REC114: variants seen among roughly 807,000 people sequenced by gnomAD.
REC114 encodes the protein REC114 meiotic recombination protein.
Under a neutral mutation model 31.3 loss-of-function variants are expected in REC114, and 27 were observed. The observed-to-expected ratio is 0.86, with a 90% CI of 0.64 to 1.19. The LOEUF (loss-of-function observed/expected upper bound fraction) is 1.19. REC114 is among the 50% of genes most tolerant of loss of function. The pLI is 0.00. For missense variants in REC114, 344 were observed against 326.9 expected (o/e 1.05, Z -0.40); for synonymous variants, 134 against 127.7 (o/e 1.05, Z -0.33).
chr15:73,461,934 T>C (rs1446502913), intron 1 of REC114, among the ~76,000 whole-genome samples: 27 of 142,236 alleles, frequency 1.9e-4, no homozygotes, highest in African/African-American at 3.8e-4. Flanking sequence ...TTTTTTTTTT[T>C]TTTTTTTTTT....
At chr15:73,485,491 TGGTGGAAGATGATTAGATCATGGG>T (rs1185992316) in intron 2 of REC114, among the ~76,000 whole-genome samples, 2 of 152,118 alleles carry the variant, frequency 1.3e-5, no homozygotes, top group African/African-American at 4.8e-5. Context: ...AGGTGGGGCG[TGGTGGAAGATGATTAGATCATGGG>T]GGTGGTATCT....
chr15:73,488,815 C>A (rs563890182), intron 2 of REC114, among the ~76,000 whole-genome samples: 11 of 152,250 alleles, frequency 7.2e-5, no homozygotes, highest in African/African-American at 2.6e-4. Context: ...GTGTTCATAG[C>A]AATATGGGCC....
chr15:73,538,274 TA>T (rs200639535), intron 2 of REC114, among the ~76,000 whole-genome samples: 60 of 151,956 alleles, frequency 3.9e-4, no homozygotes, highest in African/African-American at 1.2e-3. Context: ...AAAGACAGTA[TA>T]AAAAAAATGC....
intron 2 of REC114, among the ~76,000 whole-genome samples, chr15:73,514,879 A>G (rs921196645): frequency 2.0e-5 from 3 of 150,756 alleles, no homozygotes; most frequent in African/African-American, 7.3e-5. Context: ...AGTGGCTAAG[A>G]CTCCTTTCTC....
chr15:73,501,199 C>T (rs1893599999), intron 2 of REC114, among the ~76,000 whole-genome samples: 1 of 152,134 alleles, frequency 6.6e-6, no homozygotes, highest in Admixed American at 6.6e-5. Context: ...TATTGCAGCA[C>T]ATCTATGAAG....
At chr15:73,526,684 C>T (rs1031330376) in intron 2 of REC114, among the ~76,000 whole-genome samples, 4 of 152,104 alleles carry the variant, frequency 2.6e-5, no homozygotes, top group African/African-American at 4.8e-5. Context: ...CTAATTTTAT[C>T]ATCTCTTAAA....
Position 73,466,635 on chromosome 15 carries a change from T to G in REC114, c.160-7197T>G, listed in dbSNP as rs188681391. The stretch of plus-strand genomic sequence containing the variant: ...GCAACTATTAATAAAATTGTTGATA[T>G]GTTTTATCCCCTCTTAACGTTCTTT... On this transcript the variant is annotated intron_variant, in intron 1 of 5. Transcript: ENST00000331090. Among the ~76,000 whole-genome samples, 1,518 of 152,336 alleles carry G rather than the reference T, an allele frequency of 1.0e-2. 16 individuals are homozygous for G. The highest frequency in any genetic ancestry group is 0.016 in the Non-Finnish European group (1,068 of 68,022).
chr15:73,505,684 A>C (rs958094721), intron 2 of REC114, among the ~76,000 whole-genome samples: 2 of 152,098 alleles, frequency 1.3e-5, no homozygotes, highest in Non-Finnish European at 1.5e-5. Context: ...GGCGCCCGCC[A>C]CCATGCCCGG....
At chr15:73,489,504 C>G (rs1429346740) in intron 2 of REC114, among the ~76,000 whole-genome samples, 3 of 151,974 alleles carry the variant, frequency 2.0e-5, no homozygotes, top group African/African-American at 7.2e-5. Flanking sequence ...CCACGCCTGG[C>G]ACCTGGAGCC....
chr15:73,516,221 G>A (rs1001608660), intron 2 of REC114, among the ~76,000 whole-genome samples: 7 of 151,956 alleles, frequency 4.6e-5, no homozygotes, highest in Non-Finnish European at 5.9e-5. Flanking sequence ...CCTGACCTCA[G>A]GTGATCTGCC....
intron 2 of REC114, among the ~76,000 whole-genome samples, chr15:73,514,836 T>G (rs1414161242): frequency 6.6e-6 from 1 of 152,070 alleles, no homozygotes; most frequent in Non-Finnish European, 1.5e-5. Context: ...GGAAGGTATA[T>G]TTATCTGCTG....
intron 1 of REC114, among the ~76,000 whole-genome samples, chr15:73,458,618 G>T (rs547291571): frequency 6.6e-6 from 1 of 152,344 alleles, no homozygotes; most frequent in African/African-American, 2.4e-5. Flanking sequence ...AGGTACTGAG[G>T]CTCCTTCTTT....
chr15:73,465,058 A>T (rs1468154193), intron 1 of REC114, among the ~76,000 whole-genome samples: 1 of 151,982 alleles, frequency 6.6e-6, no homozygotes, highest in African/African-American at 2.4e-5. Context: ...CGCCCAGCTA[A>T]TTTTTGTATT....
At chr15:73,555,164 C>T (rs1049154622) in intron 4 of REC114, among the ~76,000 whole-genome samples, 1 of 152,320 alleles carries the variant, frequency 6.6e-6, no homozygotes, top group East Asian at 1.9e-4. Context: ...CTCTGTAGGA[C>T]AGAAGACAGA....
rs777849496 is a variant in REC114, at chr15:73,559,948, C to A, written c.*32C>A. On this transcript the variant is annotated 3_prime_UTR_variant, in exon 6 of 6. Coordinates refer to ENST00000331090, the MANE Select transcript of REC114 (RefSeq NM_001042367.2). ...ATATACATATATAACTAAGGAACTT[C>A]AAAGTATTGAAAAATGCTTCCTCCT... The A allele has an allele frequency of 6.6e-7, 1 of 1,520,166 alleles. No individual in the cohort carries two copies. Among genetic ancestry groups the A allele is most frequent in the Non-Finnish European group, 8.8e-7 (1 of 1,142,026 alleles). 94.2% of individuals were successfully genotyped at this position (1,520,166 alleles called of 1,614,324 possible). A position where few individuals can be genotyped will look rare whatever the true frequency, so the allele number is the denominator to read the frequency against.
chr15:73,502,018 C>T (rs1046858538), intron 2 of REC114, among the ~76,000 whole-genome samples: 6 of 151,966 alleles, frequency 3.9e-5, no homozygotes, highest in Admixed American at 3.3e-4. Flanking sequence ...GAGCTGGGCA[C>T]AGTGGCTCTC....
At chr15:73,489,967 T>A (rs1164143762) in intron 2 of REC114, among the ~76,000 whole-genome samples, 1 of 152,180 alleles carries the variant, frequency 6.6e-6, no homozygotes, top group African/African-American at 2.4e-5. Context: ...GTGGAATCTT[T>A]TGAGAGTGAG....
At chr15:73,554,834 G>A (rs932557667) in intron 4 of REC114, among the ~76,000 whole-genome samples, 4 of 152,174 alleles carry the variant, frequency 2.6e-5, no homozygotes, top group South Asian at 2.1e-4. Flanking sequence ...AGACAATTTT[G>A]GTTGACATTA....
intron 2 of REC114, among the ~76,000 whole-genome samples, chr15:73,515,905 G>A (rs1240614603): frequency 1.3e-5 from 2 of 152,116 alleles, no homozygotes; most frequent in East Asian, 1.9e-4. Context: ...TGTGTTGAAG[G>A]CACATGATAG....
Sources: gnomAD v4.1 joint callset for allele counts (sites outside exome capture counted in the v4.1 genomes callset) on GRCh38, gnomAD v4.1.1 for gene constraint, MANE v1.5 for transcripts, NCBI Gene and HGNC (gene_info 2026-07-23, HGNC 2026-07-21) for gene names.